Variants in ENOX1 observed in about 807,000 individuals in gnomAD.
ENOX1 encodes ecto-NOX disulfide-thiol exchanger 1, also known as candidate growth-related and time keeping constitutive hydroquinone (NADH) oxidase.
ENOX1 carries 42 observed loss-of-function variants against 82.5 expected under a neutral mutation model. The ratio of observed to expected loss-of-function variants is 0.51; its 90% confidence interval spans 0.40 to 0.66. The LOEUF (loss-of-function observed/expected upper bound fraction) is 0.66, where lower values mean the gene tolerates loss of function less well. ENOX1 is among the 30% of genes least tolerant of loss of function. The pLI is 0.00. For synonymous variants in ENOX1, 271 were observed against 282.2 expected, an observed-to-expected ratio of 0.96 and a Z score of 0.40; for missense variants, 608 against 811.6, an observed-to-expected ratio of 0.75 and a Z score of 3.05.
chr13:43,468,326 C>G (rs1406918634), intron 3 of ENOX1, among the ~76,000 whole-genome samples: 1 of 151,752 alleles, frequency 6.6e-6, no homozygotes. Flanking sequence ...GGACTACAGG[C>G]GCATGCCACC....
chr13:43,475,800 A>AAC (rs2058255704), intron 3 of ENOX1, among the ~76,000 whole-genome samples: 2 of 150,362 alleles, frequency 1.3e-5, no homozygotes, highest in South Asian at 4.2e-4. Flanking sequence ...TGACCAAAAA[A>AAC]AAAAAAAAAA....
Position 43,509,888 on chromosome 13 carries a change from A to G in ENOX1, c.-218-25736T>C, listed in dbSNP as rs576633609. 1.3e-3 allele frequency among the ~76,000 whole-genome samples: 198 copies of G among 152,008 alleles called. 1 individual carries two copies. The highest frequency in any genetic ancestry group is 4.7e-3 in the African/African-American group (193 of 41,488). On this transcript the variant is annotated intron_variant, in intron 2 of 16. Coordinates refer to ENST00000690772, the MANE Select transcript of ENOX1 (RefSeq NM_001347969.2). ...AACCCCCAACACCCACCCTTTCCTG[A>G]AAGAGAATTTTCCAGCAGCTGGAAG...
intron 11 of ENOX1, among the ~76,000 whole-genome samples, chr13:43,307,970 C>T (rs922433686): frequency 7.9e-5 from 12 of 152,202 alleles, no homozygotes; most frequent in Non-Finnish European, 1.6e-4. Context: ...CACATGCTTA[C>T]CACACCAGTC....
chr13:43,528,300 C>T (rs529988009), intron 2 of ENOX1, among the ~76,000 whole-genome samples: 2 of 152,094 alleles, frequency 1.3e-5, no homozygotes, highest in Admixed American at 6.6e-5. Flanking sequence ...CTATGTACAA[C>T]GTGCCCCCAG....
intron 2 of ENOX1, among the ~76,000 whole-genome samples, chr13:43,541,162 T>C (rs1157501599): frequency 2.1e-5 from 3 of 146,204 alleles, no homozygotes; most frequent in African/African-American, 7.6e-5. Flanking sequence ...AACCTTACAC[T>C]TCTTCCCTCT....
chr13:43,280,787 C>T (rs1167504566), intron 12 of ENOX1, among the ~76,000 whole-genome samples: 1 of 152,178 alleles, frequency 6.6e-6, no homozygotes, highest in Non-Finnish European at 1.5e-5. Flanking sequence ...CTAGGAGAAT[C>T]ACACATTTAG....
intron 2 of ENOX1, among the ~76,000 whole-genome samples, chr13:43,514,286 T>A (rs1377914912): frequency 6.6e-6 from 1 of 152,214 alleles, no homozygotes; most frequent in African/African-American, 2.4e-5. Flanking sequence ...AGTAAGTCCC[T>A]ATGGGTAGCT....
chr13:43,299,726 C>T (rs2046469608), intron 11 of ENOX1, among the ~76,000 whole-genome samples: 1 of 152,164 alleles, frequency 6.6e-6, no homozygotes, highest in African/African-American at 2.4e-5. Context: ...AAGCCATTCC[C>T]CACTTGTGTA....
chr13:43,739,534 A>G (rs2089796889), intron 1 of ENOX1, among the ~76,000 whole-genome samples: 1 of 151,736 alleles, frequency 6.6e-6, no homozygotes, highest in Admixed American at 6.6e-5. Flanking sequence ...GGGCAACCAG[A>G]GTGAGAGCCT....
At chr13:43,700,224 G>C (rs1436514582) in intron 1 of ENOX1, among the ~76,000 whole-genome samples, 2 of 151,924 alleles carry the variant, frequency 1.3e-5, no homozygotes, top group African/African-American at 4.8e-5. Flanking sequence ...CTAGTAAGGG[G>C]GAAAATAAAA....
chr13:43,311,972 G>A (rs2047227970), intron 11 of ENOX1, among the ~76,000 whole-genome samples: 1 of 152,082 alleles, frequency 6.6e-6, no homozygotes, highest in Non-Finnish European at 1.5e-5. Flanking sequence ...CAACTGACTG[G>A]TAAATCACTA....
chr13:43,279,306 T>C (rs919568224), intron 12 of ENOX1, among the ~76,000 whole-genome samples: 2 of 152,190 alleles, frequency 1.3e-5, no homozygotes, highest in South Asian at 4.1e-4. Context: ...ATGTCGGCAT[T>C]TCAAAGGCTA....
chr13:43,746,002 A>T (rs1280562231), intron 1 of ENOX1, among the ~76,000 whole-genome samples: 1 of 152,168 alleles, frequency 6.6e-6, no homozygotes, highest in East Asian at 1.9e-4. Context: ...CTTTATTAGC[A>T]GCATGAGAAT....
At chr13:43,591,942 G>T (rs1023397521) in intron 2 of ENOX1, among the ~76,000 whole-genome samples, 1 of 151,922 alleles carries the variant, frequency 6.6e-6, no homozygotes, top group African/African-American at 2.4e-5. Context: ...TGTGCCAGGG[G>T]ACACCTTCTC....
intron 3 of ENOX1, among the ~76,000 whole-genome samples, chr13:43,430,266 A>C (rs927705849): frequency 6.6e-6 from 1 of 152,224 alleles, no homozygotes; most frequent in Non-Finnish European, 1.5e-5. Context: ...AAACAAAACA[A>C]ACAACTGATC....
chr13:43,306,156 A>C (rs953356320), intron 11 of ENOX1, among the ~76,000 whole-genome samples: 5 of 152,216 alleles, frequency 3.3e-5, no homozygotes, highest in Admixed American at 6.5e-5. Flanking sequence ...GGTTGAGCTC[A>C]CACATTGAAA....
chr13:43,359,034 T>A (rs932816827), intron 7 of ENOX1, among the ~76,000 whole-genome samples: 11 of 152,274 alleles, frequency 7.2e-5, no homozygotes, highest in Non-Finnish European at 1.2e-4. Flanking sequence ...AGAAATTAAG[T>A]AAAACCTGGC....
intron 15 of ENOX1, among the ~76,000 whole-genome samples, chr13:43,234,770 AG>A (rs1182700327): frequency 5.9e-5 from 9 of 152,260 alleles, no homozygotes; most frequent in Non-Finnish European, 1.2e-4. Context: ...CTGCATATAA[AG>A]CACATCATTT....
At chr13:43,403,492 T>A (rs1376651021) in intron 5 of ENOX1, among the ~76,000 whole-genome samples, 7 of 152,228 alleles carry the variant, frequency 4.6e-5, no homozygotes, top group Admixed American at 6.5e-5. Context: ...GTACATGGGA[T>A]AGGCCAAAGC....
Sources: gnomAD v4.1 joint callset for allele counts (sites outside exome capture counted in the v4.1 genomes callset) on GRCh38, gnomAD v4.1.1 for gene constraint, MANE v1.5 for transcripts, NCBI Gene and HGNC (gene_info 2026-07-23, HGNC 2026-07-21) for gene names.